ZBTB20: variants seen among roughly 807,000 people sequenced by gnomAD.
The protein encoded by ZBTB20 is zinc finger and BTB domain-containing protein 20.
A neutral mutation model predicts 56.9 loss-of-function variants in ZBTB20; 9 were observed. The ratio of observed to expected loss-of-function variants is 0.16; its 90% confidence interval spans 0.10 to 0.28. The LOEUF (loss-of-function observed/expected upper bound fraction) is 0.28, where lower values mean the gene tolerates loss of function less well. Among genes scored for constraint, ZBTB20 ranks in the 10% least tolerant of loss-of-function variants. ZBTB20 has a pLI of 1.00. For missense variants in ZBTB20, 655 were observed against 1,003.0 expected, an observed-to-expected ratio of 0.65 and a Z score of 4.69; for synonymous variants, 417 against 420.7, an observed-to-expected ratio of 0.99 and a Z score of 0.11.
intron 6 of ZBTB20, among the ~76,000 whole-genome samples, chr3:114,657,836 A>C (rs1032473859): frequency 6.6e-6 from 1 of 151,638 alleles, no homozygotes; most frequent in African/African-American, 2.4e-5. Flanking sequence ...GTTTAGTTTT[A>C]TTTTTAACCC....
At chr3:114,526,901 G>A (rs1438070847) in intron 6 of ZBTB20, among the ~76,000 whole-genome samples, 1 of 152,166 alleles carries the variant, frequency 6.6e-6, no homozygotes, top group Non-Finnish European at 1.5e-5. Flanking sequence ...CAGAATATAT[G>A]CCTGCTCTCC....
At chr3:114,688,288 G>A (rs1290910344) in intron 6 of ZBTB20, 5 of 151,126 alleles carry the variant, frequency 3.3e-5, no homozygotes, top group Non-Finnish European at 7.4e-5. Context: ...TACATGCTCA[G>A]TACTTGGGTG....
intron 1 of ZBTB20, among the ~76,000 whole-genome samples, chr3:115,087,880 C>T (rs1441052307): frequency 6.6e-6 from 1 of 151,948 alleles, no homozygotes; most frequent in African/African-American, 2.4e-5. Context: ...ATAAAATTAG[C>T]AGTCAAAGTT....
At chr3:114,954,702 G>GAA (rs2077189288) in intron 3 of ZBTB20, among the ~76,000 whole-genome samples, 1 of 152,160 alleles carries the variant, frequency 6.6e-6, no homozygotes, top group Non-Finnish European at 1.5e-5. Flanking sequence ...AGTGAAAGTT[G>GAA]AATTGTCACT....
In ZBTB20 at chr3:114,334,232, G is replaced by C. The variant is rs1201913198; in HGVS notation, c.*4773C>G. ...AACAGAGGAAAGCTCCAGAATGGGT[G>C]TATATCCTGTGACTCCTGGCCAGAT... is the stretch of plus-strand genomic sequence containing the variant. On this transcript the variant is annotated 3_prime_UTR_variant, in exon 12 of 12. Transcript: ENST00000675478. The C allele has an allele frequency of 6.6e-6, 1 of 152,250 alleles. No homozygotes were observed. Among genetic ancestry groups the C allele is most frequent in the African/African-American group, 2.4e-5 (1 of 41,456 alleles). The allele number at this position is 152,250 out of a possible 1,614,324, so 9.4% of individuals were successfully genotyped here. A position where few individuals can be genotyped will look rare whatever the true frequency, so the allele number is the denominator to read the frequency against.
At chr3:114,584,456 T>G (rs1471530477) in intron 6 of ZBTB20, among the ~76,000 whole-genome samples, 1 of 152,144 alleles carries the variant, frequency 6.6e-6, no homozygotes, top group Non-Finnish European at 1.5e-5. Flanking sequence ...TATTTCCTTT[T>G]GCAGAAACTT....
chr3:114,878,238 G>C (rs1311055155), intron 4 of ZBTB20, among the ~76,000 whole-genome samples: 1 of 151,964 alleles, frequency 6.6e-6, no homozygotes, highest in Admixed American at 6.6e-5. Flanking sequence ...CTGCGATAAA[G>C]CTCTGTTCTG....
At chr3:115,049,690 T>C (rs1377177583) in intron 2 of ZBTB20, among the ~76,000 whole-genome samples, 1 of 152,108 alleles carries the variant, frequency 6.6e-6, no homozygotes, top group Non-Finnish European at 1.5e-5. Flanking sequence ...TCAACTGGTA[T>C]AAGGCAAACT....
At chr3:114,572,863 A>G (rs1391053866) in intron 6 of ZBTB20, among the ~76,000 whole-genome samples, 2 of 152,200 alleles carry the variant, frequency 1.3e-5, no homozygotes, top group Non-Finnish European at 2.9e-5. Context: ...TCTTACACAG[A>G]GCAACCGAGA....
chr3:114,984,789 CT>C (rs1262652734), intron 2 of ZBTB20, among the ~76,000 whole-genome samples: 2 of 152,008 alleles, frequency 1.3e-5, no homozygotes, highest in Non-Finnish European at 2.9e-5. Context: ...ATTTAATGTC[CT>C]GTTCCCAAGA....
chr3:114,559,514 T>C (rs1022663977), intron 6 of ZBTB20, among the ~76,000 whole-genome samples: 1 of 152,152 alleles, frequency 6.6e-6, no homozygotes, highest in African/African-American at 2.4e-5. Flanking sequence ...TTGAGGGGGT[T>C]TGTGAATCCT....
chr3:115,133,051 T>C (rs984146523), intron 1 of ZBTB20, among the ~76,000 whole-genome samples: 4 of 152,182 alleles, frequency 2.6e-5, no homozygotes, highest in Non-Finnish European at 5.9e-5. Context: ...TTAACAGAAT[T>C]AGATATTAAA....
intron 10 of ZBTB20, chr3:114,356,033 AC>A (rs904616324): frequency 1.3e-5 from 2 of 152,214 alleles, no homozygotes; most frequent in Non-Finnish European, 2.9e-5. Context: ...TAAAATAATA[AC>A]TTACCTCCTT....
At chr3:114,670,518 G>A (rs1461616202) in intron 6 of ZBTB20, among the ~76,000 whole-genome samples, 1 of 151,982 alleles carries the variant, frequency 6.6e-6, no homozygotes, top group Non-Finnish European at 1.5e-5. Context: ...AGATAGAGAA[G>A]GTAGAGATAG....
rs139868000 is a variant in ZBTB20, at chr3:115,026,490, T to G, written c.-507+44729A>C. The stretch of plus-strand genomic sequence containing the variant: ...CTACATTATAGAGTTATTGTGACAA[T>G]CAGACGGACTCAAAGCATGTCATAG... On this transcript the variant is annotated intron_variant, in intron 2 of 11. Coordinates refer to ENST00000675478, the MANE Select transcript of ZBTB20 (RefSeq NM_001348800.3). 2.3e-3 allele frequency among the ~76,000 whole-genome samples: 352 copies of G among 151,012 alleles called. 1 individual carries two copies. Among genetic ancestry groups the G allele is most frequent in the African/African-American group, 7.7e-3 (319 of 41,358 alleles).
At chr3:114,426,308 T>G (rs960761274) in intron 7 of ZBTB20, among the ~76,000 whole-genome samples, 3 of 137,636 alleles carry the variant, frequency 2.2e-5, no homozygotes, top group African/African-American at 8.8e-5. Context: ...ACTGCACTCC[T>G]GCCTGGGTGA....
chr3:114,867,863 C>A (rs568006077), intron 4 of ZBTB20, among the ~76,000 whole-genome samples: 5 of 152,292 alleles, frequency 3.3e-5, no homozygotes, highest in African/African-American at 1.2e-4. Context: ...GCAATTAAAG[C>A]TTTCTAATAT....
At chr3:114,408,043 T>C (rs1412481829) in intron 7 of ZBTB20, among the ~76,000 whole-genome samples, 2 of 152,212 alleles carry the variant, frequency 1.3e-5, no homozygotes, top group African/African-American at 4.8e-5. Flanking sequence ...TCAAAGTACA[T>C]GGAAATATTC....
intron 5 of ZBTB20, among the ~76,000 whole-genome samples, chr3:114,745,244 C>A (rs1318115816): frequency 6.6e-6 from 1 of 152,120 alleles, no homozygotes; most frequent in East Asian, 1.9e-4. Context: ...CACACCAGAC[C>A]CGTCCAACAG....
Sources: allele counts gnomAD v4.1 joint callset (sites outside exome capture counted in the v4.1 genomes callset), GRCh38; gene constraint gnomAD v4.1.1; transcripts MANE v1.5; gene names NCBI Gene and HGNC (gene_info 2026-07-23, HGNC 2026-07-21).